DAB1: variants seen among roughly 807,000 people sequenced by gnomAD.
The protein encoded by DAB1 is disabled homolog 1.
A neutral mutation model predicts 64.6 loss-of-function variants in DAB1; 15 were observed. That is an observed-to-expected ratio of 0.23 (90% CI 0.16 to 0.36). DAB1 has a LOEUF of 0.36. Among genes scored for constraint, DAB1 ranks in the 10% least tolerant of loss-of-function variants. The pLI is 1.00. For missense variants in DAB1, 596 were observed against 706.7 expected, an observed-to-expected ratio of 0.84 and a Z score of 1.78; for synonymous variants, 235 against 251.9, an observed-to-expected ratio of 0.93 and a Z score of 0.64.
At chr1:57,133,161 T>C (rs765741980) in intron 4 of DAB1, among the ~76,000 whole-genome samples, 6 of 152,186 alleles carry the variant, frequency 3.9e-5, no homozygotes, top group Non-Finnish European at 7.3e-5. Context: ...ATAAGCAAAA[T>C]TCACGTTTCT....
intron 7 of DAB1, among the ~76,000 whole-genome samples, chr1:57,480,527 C>G (rs556365944): frequency 6.6e-6 from 1 of 151,962 alleles, no homozygotes; most frequent in South Asian, 2.1e-4. Context: ...CTCTGTCACC[C>G]AGGCTGGAGT....
At chr1:57,309,930 C>A (rs1469428708) in intron 1 of DAB1, among the ~76,000 whole-genome samples, 1 of 152,152 alleles carries the variant, frequency 6.6e-6, no homozygotes, top group East Asian at 1.9e-4. Context: ...TGGGGGGATG[C>A]AGTTTAGTGT....
chr1:57,687,599 C>CAAAAAAAAAAAAAAAAAAAAAAA (rs57316234), intron 6 of DAB1, among the ~76,000 whole-genome samples: 15 of 82,458 alleles, frequency 1.8e-4, no homozygotes, highest in African/African-American at 4.4e-4. Context: ...TCTTAAGAAA[C>CAAAAAAAAAAAAAAAAAAAAAAA]AAAAAAAAAA....
chr1:57,553,473 A>AAAGGAAGGAAGG lies in DAB1; in HGVS notation n.625+96107_625+96118dup, dbSNP rs71051238. Among the ~76,000 whole-genome samples, 113 of 25,642 alleles carry AAAGGAAGGAAGG rather than the reference A, an allele frequency of 4.4e-3. 2 individuals carry two copies. Among genetic ancestry groups the AAAGGAAGGAAGG allele is most frequent in the African/African-American group, 5.3e-3 (84 of 15,890 alleles). The allele number at this position is 25,642 out of a possible 152,430, so 16.8% of individuals were successfully genotyped here. On this transcript the variant is annotated intron_variant and non_coding_transcript_variant, in intron 7 of 20. Transcript: ENST00000485760. ...GAAAGAAAGAAAGAGAAAGGGAAAG[A>AAAGGAAGGAAGG]AAGGAAGGAAGGAAGGAAGGAAGGA... is the stretch of plus-strand genomic sequence containing the variant.
At chr1:57,369,256 G>A (rs1411913107) in intron 1 of DAB1, among the ~76,000 whole-genome samples, 1 of 152,190 alleles carries the variant, frequency 6.6e-6, no homozygotes, top group African/African-American at 2.4e-5. Flanking sequence ...TAATCAATGA[G>A]AGTAAAAACC....
intron 6 of DAB1, among the ~76,000 whole-genome samples, chr1:57,650,888 C>A (rs1646248537): frequency 6.6e-6 from 1 of 152,058 alleles, no homozygotes; most frequent in Non-Finnish European, 1.5e-5. Context: ...CGTTTTTATG[C>A]CTTATTAAAC....
At chr1:57,875,986 T>C (rs1240562066) in intron 1 of DAB1, among the ~76,000 whole-genome samples, 1 of 152,212 alleles carries the variant, frequency 6.6e-6, no homozygotes, top group Non-Finnish European at 1.5e-5. Flanking sequence ...CCAGCTCTCA[T>C]TAATTTATGG....
chr1:56,999,530 C>G (rs189223592), intron 14 of DAB1, among the ~76,000 whole-genome samples: 98 of 152,302 alleles, frequency 6.4e-4, no homozygotes, highest in Non-Finnish European at 8.8e-4. Context: ...TGAGTCCTCC[C>G]TTTGCAGATA....
chr1:57,946,989 T>C (rs893953037), intron 5 of DAB1, among the ~76,000 whole-genome samples: 6 of 152,282 alleles, frequency 3.9e-5, no homozygotes, highest in Middle Eastern at 6.8e-3. Flanking sequence ...AGCCCTTTAT[T>C]CTATTAATAG....
At chr1:57,786,856 T>G (rs1399701264) in intron 6 of DAB1, among the ~76,000 whole-genome samples, 2 of 152,158 alleles carry the variant, frequency 1.3e-5, no homozygotes, top group East Asian at 3.9e-4. Context: ...ATGACTGGAT[T>G]CTGGGTAAAA....
At chr1:57,292,020 G>A (rs662134) in intron 1 of DAB1, among the ~76,000 whole-genome samples, 15 of 152,104 alleles carry the variant, frequency 9.9e-5, no homozygotes, top group Non-Finnish European at 1.6e-4. Context: ...GTGACTATCT[G>A]ATAGTTATAT....
chr1:58,540,663 G>A (rs895671364), intron 1 of DAB1, among the ~76,000 whole-genome samples: 1 of 148,932 alleles, frequency 6.7e-6, no homozygotes, highest in Non-Finnish European at 1.5e-5. Flanking sequence ...TGACTTTGAA[G>A]ACGTATCAAT....
chr1:57,209,497 T>G (rs962417921), intron 2 of DAB1, among the ~76,000 whole-genome samples: 1 of 152,192 alleles, frequency 6.6e-6, no homozygotes, highest in Non-Finnish European at 1.5e-5. Context: ...ATAATGCCCT[T>G]TACCTAATCA....
chr1:57,682,281 AAT>A (rs1258401780), intron 6 of DAB1, among the ~76,000 whole-genome samples: 2 of 151,668 alleles, frequency 1.3e-5, no homozygotes, highest in African/African-American at 4.9e-5. Flanking sequence ...TGGCTATTAA[AAT>A]ATGATTGCAA....
chr1:57,120,802 G>A (rs994168531), intron 4 of DAB1, among the ~76,000 whole-genome samples: 10 of 152,030 alleles, frequency 6.6e-5, no homozygotes, highest in Non-Finnish European at 1.0e-4. Context: ...TCCTTCTTAC[G>A]GGTGAGTAGG....
chr1:57,634,767 C>T (rs761563933), intron 7 of DAB1, among the ~76,000 whole-genome samples: 5 of 152,022 alleles, frequency 3.3e-5, no homozygotes, highest in Non-Finnish European at 7.3e-5. Flanking sequence ...ACTTCTCCCA[C>T]TGGAATGGAG....
intron 1 of DAB1, among the ~76,000 whole-genome samples, chr1:57,395,834 G>T (rs1035244367): frequency 6.6e-6 from 1 of 151,390 alleles, no homozygotes; most frequent in African/African-American, 2.4e-5. Flanking sequence ...CTTAAGTATA[G>T]AGGCTATCTG....
intron 7 of DAB1, among the ~76,000 whole-genome samples, chr1:57,474,824 A>G (rs1643914518): frequency 6.6e-6 from 1 of 152,334 alleles, no homozygotes; most frequent in African/African-American, 2.4e-5. Context: ...TAATATAAAC[A>G]TGTATTATAG....
chr1:57,132,581 C>T (rs1276646825), intron 4 of DAB1, among the ~76,000 whole-genome samples: 3 of 152,120 alleles, frequency 2.0e-5, no homozygotes, highest in Admixed American at 6.6e-5. Context: ...GAGCATTTCA[C>T]ATTTTGGATT....
Sources: gnomAD v4.1 joint callset for allele counts (sites outside exome capture counted in the v4.1 genomes callset) on GRCh38, gnomAD v4.1.1 for gene constraint, MANE v1.5 for transcripts, NCBI Gene and HGNC (gene_info 2026-07-23, HGNC 2026-07-21) for gene names.